The following RUFY3 variants were observed in gnomAD, a reference collection of about 807,000 sequenced individuals.
The protein encoded by RUFY3 is RUN and FYVE domain containing 3, also known as protein RUFY3.
A neutral mutation model predicts 84.0 loss-of-function variants in RUFY3; 34 were observed. The observed-to-expected ratio is 0.40, with a 90% CI of 0.31 to 0.54. RUFY3 has a LOEUF of 0.54. Among genes scored for constraint, RUFY3 ranks in the 20% least tolerant of loss-of-function variants. The pLI is 0.39. For missense variants in RUFY3, 507 were observed against 736.8 expected (o/e 0.69, Z 3.61); for synonymous variants, 242 against 252.9 (o/e 0.96, Z 0.41).
Position 70,806,787 on chromosome 4 carries a change from C to T in RUFY3, c.*128C>T. The stretch of plus-strand genomic sequence containing the variant: ...AGAGTTGATAGGAATTTACTAGGTC[C>T]AGGGAGAAAAGGCAGTGGTTGGGGT... On this transcript the variant is annotated 3_prime_UTR_variant, in exon 18 of 18. Transcript: ENST00000381006. The T allele has an allele frequency of 8.4e-7, 1 of 1,191,658 alleles. No individual in the cohort carries two copies. The highest frequency in any genetic ancestry group is 1.2e-6 in the Non-Finnish European group (1 of 857,974). 73.8% of individuals were successfully genotyped at this position (1,191,658 alleles called of 1,614,324 possible). A position where few individuals can be genotyped will look rare whatever the true frequency, so the allele number is the denominator to read the frequency against.
intron 4 of RUFY3, among the ~76,000 whole-genome samples, chr4:70,767,794 T>C (rs1238923180): frequency 6.6e-6 from 1 of 152,080 alleles, no homozygotes; most frequent in Non-Finnish European, 1.5e-5. Flanking sequence ...TTCTCCTGCC[T>C]CAGCCTCCTG....
At chr4:70,711,669 C>G (rs546657941) in intron 1 of RUFY3, among the ~76,000 whole-genome samples, 1 of 152,296 alleles carries the variant, frequency 6.6e-6, no homozygotes, top group South Asian at 2.1e-4. Context: ...TAGCATCTTT[C>G]CAAGGATGTG....
chr4:70,743,620 T>G (rs893602332), intron 1 of RUFY3, among the ~76,000 whole-genome samples: 4 of 152,088 alleles, frequency 2.6e-5, no homozygotes, highest in African/African-American at 9.7e-5. Flanking sequence ...TGTCGATGGT[T>G]ATTATAGGTG....
chr4:70,738,551 A>C (rs1431725133), intron 1 of RUFY3, among the ~76,000 whole-genome samples: 3 of 149,578 alleles, frequency 2.0e-5, no homozygotes, highest in Non-Finnish European at 4.4e-5. Context: ...TTTGGTAGAG[A>C]CAGGGTTTCA....
intron 1 of RUFY3, among the ~76,000 whole-genome samples, chr4:70,736,778 G>A (rs1014721979): frequency 6.6e-6 from 1 of 152,046 alleles, no homozygotes; most frequent in Admixed American, 6.6e-5. Flanking sequence ...CACCATGTTG[G>A]CCAGGCTAGT....
intron 4 of RUFY3, among the ~76,000 whole-genome samples, chr4:70,765,033 T>C (rs1019024853): frequency 2.0e-5 from 3 of 151,366 alleles, no homozygotes; most frequent in African/African-American, 4.9e-5. Flanking sequence ...TAAAAAAATA[T>C]AAAAATTAGC....
In RUFY3 at chr4:70,806,701, C is replaced by T. The variant is rs375746916; in HGVS notation, c.*42C>T. 216 of 1,609,534 alleles carry T rather than the reference C, an allele frequency of 1.3e-4. No homozygotes were observed. Among genetic ancestry groups the T allele is most frequent in the Non-Finnish European group, 1.8e-4 (209 of 1,177,156 alleles). The stretch of plus-strand genomic sequence containing the variant: ...CTGGACCAAAACGTTTATGCAGGCT[C>T]CTCTGTACCTGTGTTTTAGCTGTCA... On this transcript the variant is annotated 3_prime_UTR_variant, in exon 18 of 18. Transcript: ENST00000381006.
chr4:70,775,781 A>G (rs1049557806), intron 7 of RUFY3, among the ~76,000 whole-genome samples: 4 of 152,034 alleles, frequency 2.6e-5, no homozygotes, highest in Non-Finnish European at 4.4e-5. Flanking sequence ...CCTTGTCTCT[A>G]TTAAAAAACT....
chr4:70,747,930 A>T (rs1489941858), intron 1 of RUFY3, among the ~76,000 whole-genome samples: 1 of 152,178 alleles, frequency 6.6e-6, no homozygotes, highest in African/African-American at 2.4e-5. Context: ...CTTTATCTCC[A>T]TAACAGTTAC....
Position 70,746,927 on chromosome 4 carries a change from A to G in RUFY3, c.179-15592A>G, listed in dbSNP as rs140148654. Among the ~76,000 whole-genome samples, 6 of 152,310 alleles carry G rather than the reference A, an allele frequency of 3.9e-5. No individual in the cohort carries two copies. The East Asian group carries it at 1.2e-3, about 29-fold the overall frequency. ...GGCAAGGAGAGATGTGGGCATGGCT[A>G]TAAAACATCAATATGGGGGATCCTT... is the stretch of plus-strand genomic sequence containing the variant. On this transcript the variant is annotated intron_variant, in intron 1 of 17. Coordinates refer to ENST00000381006, the MANE Select transcript of RUFY3 (RefSeq NM_001037442.4).
chr4:70,719,976 A>G (rs1259191433), upstream of RUFY3, among the ~76,000 whole-genome samples: 1 of 152,188 alleles, frequency 6.6e-6, no homozygotes, highest in Non-Finnish European at 1.5e-5. Context: ...TAGAAATAAA[A>G]CCAGGAGTAT....
chr4:70,723,311 C>T (rs1717682802), intron 1 of RUFY3, among the ~76,000 whole-genome samples: 1 of 152,022 alleles, frequency 6.6e-6, no homozygotes, highest in African/African-American at 2.4e-5. Flanking sequence ...AATAACTTTT[C>T]AGCATTTATT....
At chr4:70,781,812 A>C (rs1728971596) in intron 8 of RUFY3, among the ~76,000 whole-genome samples, 1 of 152,218 alleles carries the variant, frequency 6.6e-6, no homozygotes, top group South Asian at 2.1e-4. Context: ...AATTGAGGAG[A>C]CTAGCCTGGC....
At chr4:70,737,108 G>T (rs926431635) in intron 1 of RUFY3, among the ~76,000 whole-genome samples, 2 of 152,092 alleles carry the variant, frequency 1.3e-5, no homozygotes, top group East Asian at 1.9e-4. Context: ...GCTTGGTTTT[G>T]TCTTTCCTGC....
intron 10 of RUFY3, among the ~76,000 whole-genome samples, chr4:70,785,305 A>G (rs1367438012): frequency 3.3e-5 from 5 of 152,128 alleles, no homozygotes; most frequent in Non-Finnish European, 7.4e-5. Flanking sequence ...TCTTAGATAT[A>G]AATGGAAAAT....
intron 10 of RUFY3, among the ~76,000 whole-genome samples, chr4:70,786,132 A>G (rs544210104): frequency 3.3e-5 from 5 of 152,224 alleles, no homozygotes; most frequent in African/African-American, 1.2e-4. Flanking sequence ...CATTATGTGA[A>G]GTGTAGTAAG....
chr4:70,705,184 C>T lies in RUFY3; in HGVS notation c.248C>T (p.Pro83Leu), dbSNP rs900812239. The T allele has an allele frequency of 4.1e-6, 6 of 1,462,320 alleles. No homozygotes were observed. In the South Asian group the frequency reaches 6.6e-5, roughly 16 times the overall value. The allele number at this position is 1,462,320 out of a possible 1,614,324, so 90.6% of individuals were successfully genotyped here. The change falls in exon 1 of 12, where the codon CCG becomes CTG. Residue 83 changes from proline to leucine, a missense_variant. Physicochemically the swap from Pro to Leu is moderately conservative, Grantham distance 98. Coordinates refer to the RUFY3 transcript ENST00000417478. Reference sequence around the variant, plus strand: ...GCCGGCTTCGGAGTGCGCCCGCCGCCGCAGCAGCAGCGCTCCTGGAGGACC... The same window carrying T: ...GCCGGCTTCGGAGTGCGCCCGCCGCTGCAGCAGCAGCGCTCCTGGAGGACC...
upstream of RUFY3, among the ~76,000 whole-genome samples, chr4:70,718,724 A>G (rs1015263907): frequency 6.7e-6 from 1 of 149,162 alleles, no homozygotes; most frequent in Non-Finnish European, 1.5e-5. Context: ...AGCAATATCT[A>G]AAATCTTTTT....
chr4:70,789,741 T>C, intron 12 of RUFY3, 149 bp downstream of exon 12: 6 of 1,336,200 alleles, frequency 4.5e-6, no homozygotes, highest in Non-Finnish European at 5.8e-6. Context: ...TTGAATGTTA[T>C]GTGTGTTTTC....
Sources: allele counts gnomAD v4.1 joint callset (sites outside exome capture counted in the v4.1 genomes callset), GRCh38; gene constraint gnomAD v4.1.1; transcripts MANE v1.5; gene names NCBI Gene and HGNC (gene_info 2026-07-23, HGNC 2026-07-21).